Variants in MATCAP1 observed in about 807,000 individuals in gnomAD.
The protein encoded by MATCAP1 is microtubule-associated tyrosine carboxypeptidase 1.
At chr16:67,183,667 G>A in the MATCAP1 span, 2 of 153,790 alleles carry the variant, frequency 1.3e-5, no homozygotes, top group Non-Finnish European at 2.9e-5. Context: ...GAGAGGACAA[G>A]GTGAAGAGCC....
the MATCAP1 span, chr16:67,178,066 G>C: frequency 6.2e-7 from 1 of 1,614,170 alleles, no homozygotes; most frequent in Non-Finnish European, 8.5e-7. Context: ...CGCAGAATGC[G>C]CACGATGCCG....
the MATCAP1 span, among the ~76,000 whole-genome samples, chr16:67,180,848 A>G: frequency 5.9e-5 from 9 of 152,294 alleles, no homozygotes; most frequent in African/African-American, 9.6e-5. Flanking sequence ...CTGGGCCGGA[A>G]GAAAGCACTT....
the MATCAP1 span, chr16:67,176,536 C>T: frequency 1.5e-3 from 550 of 363,886 alleles, 4 homozygotes; most frequent in Non-Finnish European, 1.4e-3. This position sits in a 1 kb window ranked among gnomAD's most constrained non-coding sequence, Gnocchi z 4.3. Context: ...CAGCTCTCTT[C>T]CTGCCCCCAT....
At chr16:67,178,240 C>A in the MATCAP1 span, 1 of 1,555,522 alleles carries the variant, frequency 6.4e-7, no homozygotes, top group Admixed American at 1.9e-5. Flanking sequence ...GGCGCGCACG[C>A]AGTACTCCCA....
chr16:67,180,268 G>A, the MATCAP1 span: 347 of 1,612,706 alleles, frequency 2.2e-4, no homozygotes, highest in Admixed American at 2.8e-4. Context: ...GAGGCTGCAG[G>A]CCGCAGGGTG....
the MATCAP1 span, among the ~76,000 whole-genome samples, chr16:67,177,266 C>T: frequency 6.6e-6 from 1 of 152,226 alleles, no homozygotes; most frequent in Non-Finnish European, 1.5e-5. Flanking sequence ...TCCTTAATGT[C>T]TTCCCCTGGA....
chr16:67,180,565 T>TG, the MATCAP1 span: 2 of 1,527,142 alleles, frequency 1.3e-6, no homozygotes, highest in Non-Finnish European at 1.8e-6. Context: ...GTAGGCGGGC[T>TG]GGGGGGTGCC....
the MATCAP1 span, chr16:67,178,856 C>T: frequency 3.7e-6 from 2 of 539,890 alleles, no homozygotes; most frequent in Admixed American, 2.4e-5. Flanking sequence ...TGCCCAACAT[C>T]CTGGGTGCCC....
the MATCAP1 span, chr16:67,180,089 C>T: frequency 6.8e-6 from 11 of 1,614,086 alleles, no homozygotes; most frequent in South Asian, 2.2e-5. Flanking sequence ...CCAGCACAGC[C>T]GTGGGCATGG....
At chr16:67,180,340 G>A in the MATCAP1 span, 17 of 1,612,264 alleles carry the variant, frequency 1.1e-5, no homozygotes, top group East Asian at 8.9e-5. Context: ...CGCCCCCGCC[G>A]GCCAGTACTA....
the MATCAP1 span, among the ~76,000 whole-genome samples, chr16:67,182,126 G>A: frequency 6.6e-6 from 1 of 152,132 alleles, no homozygotes; most frequent in African/African-American, 2.4e-5. Context: ...GCACATGCCT[G>A]TAACCCCAGC....
At chr16:67,179,546 C>T in the MATCAP1 span, 4 of 1,613,188 alleles carry the variant, frequency 2.5e-6, no homozygotes, top group Non-Finnish European at 3.4e-6. This position sits in a 1 kb window ranked among gnomAD's most constrained non-coding sequence, Gnocchi z 5.2. Context: ...CAGGTCCTCA[C>T]TCAGCTGCAC....
the MATCAP1 span, chr16:67,179,158 C>T: frequency 1.6e-6 from 2 of 1,269,940 alleles, no homozygotes; most frequent in African/African-American, 1.5e-5. The surrounding 1 kb of genome is among the most constrained non-coding windows in gnomAD (Gnocchi z 5.2). Flanking sequence ...CTTGCCCGCA[C>T]TGTTGGGAGA....
At chr16:67,177,638 C>T in the MATCAP1 span, among the ~76,000 whole-genome samples, 68 of 152,206 alleles carry the variant, frequency 4.5e-4, no homozygotes, top group Admixed American at 1.7e-3. Context: ...CACTCCTCTG[C>T]TTAAAGCTCC....
the MATCAP1 span, chr16:67,179,488 C>T: frequency 2.9e-5 from 47 of 1,612,806 alleles, no homozygotes; most frequent in Non-Finnish European, 3.7e-5. This position sits in a 1 kb window ranked among gnomAD's most constrained non-coding sequence, Gnocchi z 5.2. Flanking sequence ...TCAGGTTGAT[C>T]GCCAATGTGG....
chr16:67,180,537 C>A, the MATCAP1 span: 2 of 1,545,510 alleles, frequency 1.3e-6, no homozygotes, highest in South Asian at 1.2e-5. Context: ...CAGCCTATGG[C>A]GCAGGGATGG....
chr16:67,178,326 G>T, the MATCAP1 span: 4 of 1,582,308 alleles, frequency 2.5e-6, no homozygotes, highest in Admixed American at 3.6e-5. Context: ...CGGCGCGGTG[G>T]ATGGTGTAGT....
chr16:67,179,735 G>C, the MATCAP1 span: 1 of 1,583,080 alleles, frequency 6.3e-7, no homozygotes, highest in Non-Finnish European at 8.7e-7. The surrounding 1 kb of genome is among the most constrained non-coding windows in gnomAD (Gnocchi z 5.2). Context: ...GGTGGGTCAG[G>C]TGTGGAGCTG....
At chr16:67,179,145 A>G in the MATCAP1 span, 1 of 1,239,318 alleles carries the variant, frequency 8.1e-7, no homozygotes, top group Non-Finnish European at 1.0e-6. The surrounding 1 kb of genome is among the most constrained non-coding windows in gnomAD (Gnocchi z 5.2). Context: ...GGGCCTGACC[A>G]GCCTTGCCCG....
Sources: allele counts gnomAD v4.1 joint callset (sites outside exome capture counted in the v4.1 genomes callset), GRCh38; gene constraint gnomAD v4.1.1; non-coding constraint Gnocchi (gnomAD v3.1); transcripts MANE v1.5; gene names NCBI Gene and HGNC (gene_info 2026-07-23, HGNC 2026-07-21).